TRAF2: variants seen among roughly 807,000 people sequenced by gnomAD.
The protein encoded by TRAF2 is TNF receptor associated factor 2.
Under a neutral mutation model 55.6 loss-of-function variants are expected in TRAF2, and 6 were observed. The ratio of observed to expected loss-of-function variants is 0.11; its 90% CI spans 0.06 to 0.21. The LOEUF is 0.21. Among genes scored for constraint, TRAF2 ranks in the 10% least tolerant of loss-of-function variants. The probability of loss-of-function intolerance (pLI) is 1.00; values close to 1 mark genes in which losing one functional copy is unlikely to be tolerated. For missense variants in TRAF2, 561 were observed against 684.5 expected (o/e 0.82, Z 2.01); for synonymous variants, 329 against 276.3 (o/e 1.19, Z -1.89).
chr9:136,896,883 C>T (rs1849691820), intron 1 of TRAF2, among the ~76,000 whole-genome samples: 2 of 152,208 alleles, frequency 1.3e-5, no homozygotes, highest in Admixed American at 6.5e-5. Context: ...GCTGAGATTA[C>T]AGGCGTGAGA....
In TRAF2 at chr9:136,925,310, G is replaced by C. The variant is rs375954968; in HGVS notation, c.1288-373G>C. On this transcript the variant is annotated intron_variant, in intron 10 of 10. Transcript: ENST00000247668. ...AAGTGCTCTTCACGAGTGGGCAGTG[G>C]GTGCTTCATGATCTCTTTGGCAAGA... 3.9e-5 allele frequency among the ~76,000 whole-genome samples: 6 copies of C among 152,152 alleles called. No individual in the cohort carries two copies. The East Asian group carries it at 1.2e-3, about 29-fold the overall frequency.
At chr9:136,882,113 T>G, upstream of TRAF2, 1 of 899,100 alleles carries the variant, frequency 1.1e-6, no homozygotes, top group Non-Finnish European at 1.3e-6. Context: ...AGCTTGGACA[T>G]TCTGCCTCCT....
chr9:136,894,734 G>T (rs191108831), intron 1 of TRAF2, among the ~76,000 whole-genome samples: 1 of 152,120 alleles, frequency 6.6e-6, no homozygotes, highest in East Asian at 1.9e-4. Context: ...GAGCAGGGTC[G>T]GGGCCAGAGA....
chr9:136,914,059 G>A (rs959081788), intron 6 of TRAF2, among the ~76,000 whole-genome samples: 4 of 152,226 alleles, frequency 2.6e-5, no homozygotes, highest in Non-Finnish European at 4.4e-5. Flanking sequence ...TAAGGTGTTT[G>A]CCCCTTCATG....
upstream of TRAF2, among the ~76,000 whole-genome samples, chr9:136,884,705 C>T (rs963026418): frequency 1.3e-5 from 2 of 152,212 alleles, no homozygotes; most frequent in African/African-American, 2.4e-5. Flanking sequence ...TACAGGTGTG[C>T]AGCACCACAC....
At position 136,886,523 on chromosome 9, in the gene TRAF2, G is replaced by A; in HGVS notation, c.-47G>A. ...GTAGCTGGGCGGGCCCTTAGTTCCG[G>A]GCGCGCTGCGACCGTTGGGTGAGGC... On this transcript the variant is annotated 5_prime_UTR_variant, in exon 1 of 11. Transcript: ENST00000247668. The A allele has an allele frequency of 1.0e-6, 1 of 990,184 alleles. No homozygotes were observed. Among genetic ancestry groups the A allele is most frequent in the Non-Finnish European group, 1.2e-6 (1 of 833,212 alleles). 61.3% of individuals were successfully genotyped at this position (990,184 alleles called of 1,614,324 possible). A position where few individuals can be genotyped will look rare whatever the true frequency, so the allele number is the denominator to read the frequency against.
chr9:136,910,816 G>A (rs1431992448), intron 6 of TRAF2, among the ~76,000 whole-genome samples: 1 of 152,368 alleles, frequency 6.6e-6, no homozygotes, highest in Non-Finnish European at 1.5e-5. Context: ...AGGGCTGGGG[G>A]ACGGGACAGG....
intron 6 of TRAF2, among the ~76,000 whole-genome samples, chr9:136,916,133 T>C (rs1481993375): frequency 6.6e-6 from 1 of 152,204 alleles, no homozygotes; most frequent in African/African-American, 2.4e-5. Flanking sequence ...TTTTACGTTT[T>C]GCTTCATGTC....
At chr9:136,888,076 G>T (rs1234928029) in intron 1 of TRAF2, among the ~76,000 whole-genome samples, 2 of 152,018 alleles carry the variant, frequency 1.3e-5, no homozygotes, top group Non-Finnish European at 2.9e-5. Context: ...TCATCATGTT[G>T]GCCAGGCTGG....
At chr9:136,894,006 C>T (rs1488559428) in intron 1 of TRAF2, among the ~76,000 whole-genome samples, 6 of 149,154 alleles carry the variant, frequency 4.0e-5, no homozygotes, top group African/African-American at 7.4e-5. Context: ...CCTTGGCCTC[C>T]GAAAGTGCTG....
At chr9:136,922,689 C>CGGGCCTGGGGGCGTGTGG (rs1850418313) in intron 9 of TRAF2, among the ~76,000 whole-genome samples, 2 of 60,898 alleles carry the variant, frequency 3.3e-5, no homozygotes, top group East Asian at 4.3e-4. Flanking sequence ...GTGTGGAGGA[C>CGGGCCTGGGGGCGTGTGG]AGGGATGGGG....
At chr9:136,916,200 G>A (rs4880163) in intron 6 of TRAF2, among the ~76,000 whole-genome samples, 116,499 of 152,018 alleles carry the variant, frequency 0.77, 44,899 homozygotes, top group East Asian at 0.87. Context: ...GTTTGATTCT[G>A]GGTTTTGAAC....
At chr9:136,886,664 CGGGGGCGGGAGA>C in intron 1 of TRAF2, 123 bp downstream of exon 1, 1 of 33,354 alleles carries the variant, frequency 3.0e-5, no homozygotes, top group Non-Finnish European at 4.9e-5. Flanking sequence ...GGAGCGGGAG[CGGGGGCGGGAGA>C]GGCCGCGGGG....
chr9:136,913,595 C>CT (rs1347708122), intron 6 of TRAF2, among the ~76,000 whole-genome samples: 1 of 152,072 alleles, frequency 6.6e-6, no homozygotes, highest in Non-Finnish European at 1.5e-5. Context: ...CCGTGCCCGG[C>CT]TACATACTAT....
At position 136,926,012 on chromosome 9, in the gene TRAF2, T is replaced by C. The variant is rs749315923; in HGVS notation, c.*111T>C. 2 of 1,346,034 alleles carry C rather than the reference T, an allele frequency of 1.5e-6. No homozygotes were observed. The highest frequency in any genetic ancestry group is 3.5e-5 in the Admixed American group (2 of 56,850). 83.4% of individuals were successfully genotyped at this position (1,346,034 alleles called of 1,614,324 possible). Reference sequence around the variant, plus strand: ...TGTACAAGTGGGCAGGGGCCGCGCTTGGGCGCTTGGGAGGGTGTCGGCCTG... The same window carrying C: ...TGTACAAGTGGGCAGGGGCCGCGCTCGGGCGCTTGGGAGGGTGTCGGCCTG... On this transcript the variant is annotated 3_prime_UTR_variant, in exon 11 of 11. Transcript: ENST00000247668.
chr9:136,893,814 A>G (rs533586967), intron 1 of TRAF2, among the ~76,000 whole-genome samples: 10 of 152,206 alleles, frequency 6.6e-5, no homozygotes, highest in South Asian at 2.1e-4. Context: ...CAGTGGTGCA[A>G]TATCGGCTCA....
chr9:136,924,025 C>G lies in TRAF2; in HGVS notation c.1287+25C>G. The G allele has an allele frequency of 2.5e-6, 4 of 1,609,460 alleles. No homozygotes were observed. In the South Asian group the frequency reaches 4.4e-5, roughly 18 times the overall value. On this transcript the variant is annotated intron_variant, in intron 10 of 10. Transcript: ENST00000247668. ...GGTGAGGCCGTCCCTGCAGGCTTCG[C>G]TAGGGCCGCACCTGGGAGTCCCTCT...
At chr9:136,911,234 CTG>C (rs1324877918) in intron 6 of TRAF2, among the ~76,000 whole-genome samples, 1 of 150,588 alleles carries the variant, frequency 6.6e-6, no homozygotes, top group African/African-American at 2.4e-5. Context: ...GGGGCTTTCT[CTG>C]TGCATGGTGC....
intron 7 of TRAF2, among the ~76,000 whole-genome samples, chr9:136,917,583 G>A (rs1054195241): frequency 2.0e-5 from 3 of 152,222 alleles, no homozygotes; most frequent in African/African-American, 4.8e-5. Flanking sequence ...GGGGCAGGCC[G>A]TGGGTGCAGA....
Sources: gnomAD v4.1 joint callset for allele counts (sites outside exome capture counted in the v4.1 genomes callset) on GRCh38, gnomAD v4.1.1 for gene constraint, MANE v1.5 for transcripts, NCBI Gene and HGNC (gene_info 2026-07-23, HGNC 2026-07-21) for gene names.